CUL5: variants seen among roughly 807,000 people sequenced by gnomAD.
CUL5 encodes the protein cullin-5.
In CUL5, 26 loss-of-function variants were observed where a neutral mutation model predicts 108.8. The observed-to-expected ratio is 0.24, with a 90% confidence interval of 0.18 to 0.33. The LOEUF is 0.33. CUL5 is among the 10% of genes least tolerant of loss of function. The pLI, the probability that CUL5 is intolerant of heterozygous loss-of-function variation, is 1.00. For missense variants in CUL5, 524 were observed against 909.2 expected (o/e 0.58, Z 5.45); for synonymous variants, 334 against 298.0 (o/e 1.12, Z -1.25).
intron 7 of CUL5, among the ~76,000 whole-genome samples, chr11:108,063,658 A>AG (rs1863604081): frequency 4.9e-5 from 1 of 20,546 alleles, no homozygotes; most frequent in Non-Finnish European, 1.5e-4. Context: ...ATAAAATTTA[A>AG]AAAAAATAAA....
chr11:108,058,162 T>A (rs1234732672), intron 7 of CUL5, among the ~76,000 whole-genome samples: 1 of 141,306 alleles, frequency 7.1e-6, no homozygotes, highest in African/African-American at 2.6e-5. Context: ...TGAGCCGAGA[T>A]TGCGCCACCA....
intron 7 of CUL5, among the ~76,000 whole-genome samples, chr11:108,069,714 G>C (rs11828176): frequency 1.3e-5 from 2 of 152,040 alleles, no homozygotes; most frequent in Non-Finnish European, 2.9e-5. Context: ...GTGCCTGCAC[G>C]TAGTAGGCAT....
intron 16 of CUL5, among the ~76,000 whole-genome samples, chr11:108,096,328 TAA>T (rs71047670): frequency 1.1e-3 from 129 of 119,986 alleles, no homozygotes; most frequent in African/African-American, 1.3e-3. Context: ...ATCCCATCTC[TAA>T]AAAAAAAAAA....
intron 1 of CUL5, among the ~76,000 whole-genome samples, chr11:108,015,457 G>A (rs1213679851): frequency 1.3e-5 from 2 of 152,176 alleles, no homozygotes; most frequent in Non-Finnish European, 2.9e-5. Flanking sequence ...ACATAAATGA[G>A]AACCTTATTA....
intron 11 of CUL5, among the ~76,000 whole-genome samples, chr11:108,079,504 CTTT>C (rs918312020): frequency 2.0e-5 from 3 of 152,176 alleles, no homozygotes; most frequent in Non-Finnish European, 4.4e-5. Flanking sequence ...CGTCAGTCAA[CTTT>C]TTAAGTGTAT....
chr11:108,012,435 TC>T (rs756697650), intron 1 of CUL5, among the ~76,000 whole-genome samples: 2 of 151,924 alleles, frequency 1.3e-5, no homozygotes, highest in Non-Finnish European at 2.9e-5. Flanking sequence ...TCTTCTCTGT[TC>T]CATGCTACCT....
chr11:108,015,313 A>C (rs1415210587), intron 1 of CUL5, among the ~76,000 whole-genome samples: 1 of 152,222 alleles, frequency 6.6e-6, no homozygotes, highest in Non-Finnish European at 1.5e-5. Flanking sequence ...TTGTAGAGGG[A>C]ACAGCCAGTG....
intron 7 of CUL5, among the ~76,000 whole-genome samples, chr11:108,057,438 C>T (rs1863413219): frequency 6.6e-6 from 1 of 152,148 alleles, no homozygotes; most frequent in Non-Finnish European, 1.5e-5. Context: ...ATTAAGTGAT[C>T]AAGGTGAACA....
At chr11:108,086,485 A>C (rs887799404) in intron 11 of CUL5, among the ~76,000 whole-genome samples, 1 of 152,186 alleles carries the variant, frequency 6.6e-6, no homozygotes, top group Non-Finnish European at 1.5e-5. Flanking sequence ...AGGGAGGTAG[A>C]TCACTTTGAT....
intron 12 of CUL5, 117 bp from the exon 13 acceptor site, chr11:108,089,375 A>G (rs1347727897): frequency 1.6e-6 from 1 of 637,284 alleles, no homozygotes; most frequent in Admixed American, 3.6e-5. Flanking sequence ...GTAGGCCTCT[A>G]TCTGTATATG....
intron 2 of CUL5, among the ~76,000 whole-genome samples, chr11:108,036,133 A>G (rs1019011650): frequency 1.3e-5 from 2 of 152,144 alleles, no homozygotes; most frequent in Non-Finnish European, 2.9e-5. Context: ...GCAATGAAAA[A>G]CTGCATTTAA....
intron 7 of CUL5, among the ~76,000 whole-genome samples, chr11:108,068,348 T>C (rs1863741175): frequency 6.6e-6 from 1 of 151,908 alleles, no homozygotes; most frequent in Non-Finnish European, 1.5e-5. Context: ...TGTGACAGTC[T>C]TGCTCTGTCG....
In CUL5 at chr11:108,059,743, G is replaced by A. The variant is rs1241970370; in HGVS notation, c.780+4788G>A. Reference sequence around the variant, plus strand: ...AAAAAAATACAAAAAAATTAGTTGGGCGTGGTGGCACGCACCTGTAATCTC... The same window carrying A: ...AAAAAAATACAAAAAAATTAGTTGGACGTGGTGGCACGCACCTGTAATCTC... On this transcript the variant is annotated intron_variant, in intron 7 of 18. Transcript: ENST00000393094. 2.0e-5 allele frequency among the ~76,000 whole-genome samples: 3 copies of A among 152,000 alleles called. No homozygotes were observed. The East Asian group carries it at 5.8e-4, about 29-fold the overall frequency.
intron 2 of CUL5, among the ~76,000 whole-genome samples, chr11:108,041,087 G>A (rs1862894396): frequency 6.6e-6 from 1 of 152,048 alleles, no homozygotes; most frequent in African/African-American, 2.4e-5. Context: ...GGGTGACTTT[G>A]GCTCCAGAAT....
At chr11:108,091,462 G>C (rs1216880651) in intron 13 of CUL5, among the ~76,000 whole-genome samples, 1 of 152,044 alleles carries the variant, frequency 6.6e-6, no homozygotes, top group Non-Finnish European at 1.5e-5. Context: ...AGGCTGAGGA[G>C]GGCAGATGGC....
At chr11:108,086,008 A>T (rs1296954090) in intron 11 of CUL5, among the ~76,000 whole-genome samples, 3 of 152,348 alleles carry the variant, frequency 2.0e-5, no homozygotes, top group African/African-American at 7.2e-5. Context: ...AGCAATGAAG[A>T]TATAATACAT....
At chr11:108,043,879 A>G (rs184741917) in intron 2 of CUL5, among the ~76,000 whole-genome samples, 2 of 152,272 alleles carry the variant, frequency 1.3e-5, no homozygotes, top group African/African-American at 4.8e-5. Flanking sequence ...AAATAAAAAA[A>G]TTAGCCAGTG....
At chr11:108,046,408 T>G in intron 3 of CUL5, 39 bp downstream of exon 3, 1 of 1,136,972 alleles carries the variant, frequency 8.8e-7, no homozygotes, top group Non-Finnish European at 1.3e-6. Flanking sequence ...GTTTTAAAAC[T>G]ACTCAGATAA....
At chr11:108,015,680 T>G (rs1053539603) in intron 1 of CUL5, among the ~76,000 whole-genome samples, 2 of 152,192 alleles carry the variant, frequency 1.3e-5, no homozygotes, top group African/African-American at 2.4e-5. Flanking sequence ...GACTAATCAG[T>G]AACTGTAAAA....
Sources: allele counts gnomAD v4.1 joint callset (sites outside exome capture counted in the v4.1 genomes callset), GRCh38; gene constraint gnomAD v4.1.1; transcripts MANE v1.5; gene names NCBI Gene and HGNC (gene_info 2026-07-23, HGNC 2026-07-21).